Variants in MYO1D observed in about 807,000 individuals in gnomAD.
MYO1D encodes unconventional myosin-Id.
In MYO1D, 83 loss-of-function variants were observed where a neutral mutation model predicts 122.0. That is an observed-to-expected ratio of 0.68 (90% CI 0.57 to 0.82). MYO1D has a LOEUF of 0.82. Ranked by LOEUF, MYO1D falls within the 40% of genes least tolerant of loss-of-function variation. The pLI, the probability that MYO1D is intolerant of heterozygous loss-of-function variation, is 0.00. For synonymous variants in MYO1D, 464 were observed against 446.9 expected (o/e 1.04, Z -0.48); for missense variants, 1,157 against 1,269.5 (o/e 0.91, Z 1.35).
chr17:32,504,365 T>G (rs150680595), intron 21 of MYO1D, among the ~76,000 whole-genome samples: 2 of 152,188 alleles, frequency 1.3e-5, no homozygotes, highest in Admixed American at 1.3e-4. Flanking sequence ...CTCTTTGCAG[T>G]GACTCATGGA....
At chr17:32,510,270 G>A (rs908056221) in intron 21 of MYO1D, 9 of 152,206 alleles carry the variant, frequency 5.9e-5, no homozygotes, top group Non-Finnish European at 1.2e-4. Context: ...TTAATACCAG[G>A]TGCTTCTGAG....
intron 1 of MYO1D, among the ~76,000 whole-genome samples, chr17:32,842,784 G>C (rs2151075126): frequency 6.6e-6 from 1 of 151,928 alleles, no homozygotes; most frequent in Middle Eastern, 3.4e-3. Flanking sequence ...TTCTAGGAAA[G>C]TCTCTAAGAT....
chr17:32,646,374 C>G (rs2088294533), intron 19 of MYO1D, among the ~76,000 whole-genome samples: 1 of 152,176 alleles, frequency 6.6e-6, no homozygotes, highest in African/African-American at 2.4e-5. Context: ...GAGGCTGAGG[C>G]AAGAGCATTG....
chr17:32,687,185 T>C (rs1017314250), intron 16 of MYO1D, among the ~76,000 whole-genome samples: 12 of 145,542 alleles, frequency 8.2e-5, no homozygotes, highest in Admixed American at 5.6e-4. Flanking sequence ...AGGGCCAACA[T>C]GCCTGGCTAA....
chr17:32,746,144 G>T (rs181506403), intron 12 of MYO1D, among the ~76,000 whole-genome samples: 74 of 152,232 alleles, frequency 4.9e-4, no homozygotes, highest in Middle Eastern at 3.4e-3. Context: ...ATTTAATCCT[G>T]CAAGAAAGTT....
chr17:32,751,617 G>A (rs375018534), intron 11 of MYO1D, among the ~76,000 whole-genome samples: 2 of 151,902 alleles, frequency 1.3e-5, no homozygotes, highest in Non-Finnish European at 2.9e-5. Context: ...TTCTATACAC[G>A]ACTGATAACA....
At chr17:32,505,096 G>C (rs1389544847) in intron 21 of MYO1D, 3 of 152,316 alleles carry the variant, frequency 2.0e-5, no homozygotes, top group African/African-American at 7.2e-5. Context: ...CAGACTGTGT[G>C]ATGTCCTCCA....
At chr17:32,559,231 G>A (rs577906454) in intron 21 of MYO1D, among the ~76,000 whole-genome samples, 2 of 152,238 alleles carry the variant, frequency 1.3e-5, no homozygotes, top group South Asian at 4.2e-4. Context: ...ATATACAATA[G>A]GGATCTCAAC....
At chr17:32,510,756 C>T (rs1435231737) in intron 21 of MYO1D, 1 of 152,174 alleles carries the variant, frequency 6.6e-6, no homozygotes, top group African/African-American at 2.4e-5. Context: ...TCTTTTGCTT[C>T]CCCTCCACCA....
At chr17:32,812,360 A>C (rs1055345922) in intron 1 of MYO1D, among the ~76,000 whole-genome samples, 1 of 152,244 alleles carries the variant, frequency 6.6e-6, no homozygotes, top group East Asian at 1.9e-4. Flanking sequence ...TACAAGAATT[A>C]TCTCTTTTAT....
intron 21 of MYO1D, among the ~76,000 whole-genome samples, chr17:32,519,642 C>A (rs1426823055): frequency 6.6e-6 from 1 of 151,752 alleles, no homozygotes; most frequent in Non-Finnish European, 1.5e-5. Flanking sequence ...CTCCGCCTCG[C>A]CGCCGACAGC....
At chr17:32,804,747 G>T (rs908335007) in intron 1 of MYO1D, among the ~76,000 whole-genome samples, 1 of 152,250 alleles carries the variant, frequency 6.6e-6, no homozygotes, top group South Asian at 2.1e-4. Context: ...ACTGTCTGTT[G>T]CTTGGTCTGT....
chr17:32,709,277 C>A (rs954289681), intron 16 of MYO1D, among the ~76,000 whole-genome samples: 1 of 152,058 alleles, frequency 6.6e-6, no homozygotes, highest in Non-Finnish European at 1.5e-5. Context: ...CCTAAGCAAA[C>A]TGAGAGGTAT....
intron 1 of MYO1D, among the ~76,000 whole-genome samples, chr17:32,869,958 C>T (rs1468525084): frequency 6.6e-6 from 1 of 151,908 alleles, no homozygotes; most frequent in Non-Finnish European, 1.5e-5. Flanking sequence ...AAAAGTAGAT[C>T]CCATCAGAAC....
chr17:32,656,455 G>A (rs937574288), intron 17 of MYO1D, among the ~76,000 whole-genome samples: 1 of 152,194 alleles, frequency 6.6e-6, no homozygotes, highest in Non-Finnish European at 1.5e-5. Flanking sequence ...AGGGATAGAT[G>A]AGAATCCTGA....
intron 21 of MYO1D, among the ~76,000 whole-genome samples, chr17:32,530,897 C>G (rs1399352016): frequency 1.3e-5 from 2 of 152,072 alleles, no homozygotes; most frequent in African/African-American, 4.8e-5. Context: ...TCTCTGTCCT[C>G]ACTCCCTTTG....
chr17:32,596,951 C>T (rs2087499458), intron 21 of MYO1D, among the ~76,000 whole-genome samples: 1 of 152,204 alleles, frequency 6.6e-6, no homozygotes, highest in Non-Finnish European at 1.5e-5. Flanking sequence ...GTCAGCCACA[C>T]TCAAAACCTC....
chr17:32,501,403 C>A (rs917101857), intron 21 of MYO1D, among the ~76,000 whole-genome samples: 1 of 152,224 alleles, frequency 6.6e-6, no homozygotes, highest in Non-Finnish European at 1.5e-5. Context: ...AGCCCTAACA[C>A]CCTCATTCCC....
rs1052891615 is a variant in MYO1D at position 32,553,924 on chromosome 17, C to T, written c.2864+51163G>A. ...ATTTCCACCTGAACTGAACTATATC[C>T]TTTTAAAATAAGTACGTTCTAACAT... On this transcript the variant is annotated intron_variant, in intron 21 of 21. Transcript: ENST00000318217. 7.9e-5 allele frequency among the ~76,000 whole-genome samples: 12 copies of T among 152,266 alleles called. No homozygotes were observed. In the South Asian group the frequency reaches 2.5e-3, roughly 32 times the overall value.
Sources: gnomAD v4.1 joint callset for allele counts (sites outside exome capture counted in the v4.1 genomes callset) on GRCh38, gnomAD v4.1.1 for gene constraint, MANE v1.5 for transcripts, NCBI Gene and HGNC (gene_info 2026-07-23, HGNC 2026-07-21) for gene names.